CHMP5: variants seen among roughly 807,000 people sequenced by gnomAD.
CHMP5 encodes SNF7 domain containing 2.
Under a neutral mutation model 33.0 loss-of-function variants are expected in CHMP5, and 17 were observed. The ratio of observed to expected loss-of-function variants is 0.52; its 90% CI spans 0.35 to 0.77. The LOEUF is 0.77. CHMP5 is among the 30% of genes least tolerant of loss of function. The probability of loss-of-function intolerance (pLI) is 0.01; values close to 1 mark genes in which losing one functional copy is unlikely to be tolerated. For missense variants in CHMP5, 216 were observed against 261.5 expected (o/e 0.83, Z 1.20); for synonymous variants, 76 against 90.2 (o/e 0.84, Z 0.89).
chr9:33,269,273 G>T (rs1260171804), intron 3 of CHMP5, among the ~76,000 whole-genome samples: 1 of 152,188 alleles, frequency 6.6e-6, no homozygotes, highest in African/African-American at 2.4e-5. Flanking sequence ...GGGAGGCCAA[G>T]ACAGAAGCTC....
chr9:33,266,140 A>C, intron 2 of CHMP5, 26 bp downstream of exon 2: 1 of 1,517,130 alleles, frequency 6.6e-7, no homozygotes, highest in African/African-American at 1.4e-5. Context: ...ACTGCTGCAC[A>C]AGGTGCTGGC....
At position 33,281,058 on chromosome 9, in the gene CHMP5, CT is replaced by C. The variant is rs1422978646; in HGVS notation, c.*206del. 1.8e-5 allele frequency: 8 copies of C among 453,200 alleles called. No homozygotes were observed. Among genetic ancestry groups the C allele is most frequent in the Admixed American group, 4.1e-5 (1 of 24,398 alleles). The allele number at this position is 453,200 out of a possible 1,614,324, so 28.1% of individuals were successfully genotyped here. A position where few individuals can be genotyped will look rare whatever the true frequency, so the allele number is the denominator to read the frequency against. On this transcript the variant is annotated 3_prime_UTR_variant, in exon 8 of 8. Coordinates refer to ENST00000223500, the MANE Select transcript of CHMP5 (RefSeq NM_016410.6). ...CTTTCTTCGTACTAAAATTTGATTC[CT>C]TTTTTTCTTATGAAAAACGAACTCA...
At chr9:33,279,791 A>G (rs999266440) in intron 7 of CHMP5, among the ~76,000 whole-genome samples, 7 of 142,448 alleles carry the variant, frequency 4.9e-5, no homozygotes, top group African/African-American at 1.8e-4. Flanking sequence ...TGAAGCCGGG[A>G]GGCGGAGCTT....
intron 7 of CHMP5, among the ~76,000 whole-genome samples, chr9:33,278,650 T>C (rs917575006): frequency 3.3e-5 from 5 of 151,942 alleles, no homozygotes; most frequent in Non-Finnish European, 5.9e-5. Context: ...TTTTTTTTTT[T>C]CCTGTACACA....
At chr9:33,274,907 C>T (rs369118912) in intron 5 of CHMP5, among the ~76,000 whole-genome samples, 3 of 152,230 alleles carry the variant, frequency 2.0e-5, no homozygotes, top group Non-Finnish European at 2.9e-5. Flanking sequence ...TGAGCCACCG[C>T]GCCTGGCCAG....
chr9:33,269,173 A>G (rs543922818), intron 3 of CHMP5, among the ~76,000 whole-genome samples: 4 of 152,234 alleles, frequency 2.6e-5, no homozygotes, highest in Non-Finnish European at 5.9e-5. Flanking sequence ...ACCACACATT[A>G]GGTCAGATGG....
At chr9:33,280,252 C>T (rs1820905837) in intron 7 of CHMP5, among the ~76,000 whole-genome samples, 1 of 152,226 alleles carries the variant, frequency 6.6e-6, no homozygotes, top group South Asian at 2.1e-4. Context: ...GCTGGGATTA[C>T]AGGCCTGAGC....
intron 4 of CHMP5, 34 bp downstream of exon 4, chr9:33,270,750 G>C (rs831271): frequency 2.2e-5 from 32 of 1,487,218 alleles, no homozygotes; most frequent in Non-Finnish European, 2.7e-5. Flanking sequence ...GTTATTTCAT[G>C]TATTTATTCT....
At chr9:33,278,460 A>G (rs981886917) in intron 7 of CHMP5, among the ~76,000 whole-genome samples, 8 of 152,226 alleles carry the variant, frequency 5.3e-5, no homozygotes, top group African/African-American at 1.9e-4. Context: ...TGTGTAACAT[A>G]CATGATCACC....
chr9:33,278,200 G>T lies in CHMP5; in HGVS notation c.584G>T (p.Gly195Val). 6.2e-7 allele frequency: 1 copy of T among 1,610,936 alleles called. No individual in the cohort carries two copies. Among genetic ancestry groups the T allele is most frequent in the East Asian group, 2.2e-5 (1 of 44,856 alleles). Residue 195 changes from glycine to valine, a missense_variant, in exon 7 of 8, where the codon GGT becomes GTT. By Grantham distance (109) the Gly-to-Val change is moderately radical (BLOSUM62 -3). Transcript: ENST00000223500. ...EAASAPAIPE[G>V]VPTDTKNKDG... ...GCATCTGCACCTGCAATTCCAGAAG[G>T]TGTTCCCACTGATACAAAAAACAAG...
chr9:33,265,804 G>C (rs982666160), intron 1 of CHMP5, among the ~76,000 whole-genome samples: 11 of 152,210 alleles, frequency 7.2e-5, no homozygotes, highest in African/African-American at 2.7e-4. Context: ...TGGTATATCA[G>C]AATCGGGGCA....
At chr9:33,274,611 A>G (rs1373854978) in intron 5 of CHMP5, among the ~76,000 whole-genome samples, 1 of 152,006 alleles carries the variant, frequency 6.6e-6, no homozygotes, top group Non-Finnish European at 1.5e-5. Context: ...AGATATGGCT[A>G]TTTTATTTAT....
In CHMP5 at chr9:33,271,014, G is replaced by A. The variant is rs373464935; in HGVS notation, c.316-138G>A. The stretch of plus-strand genomic sequence containing the variant: ...GGAGAATCACTTGAACCCAGGAGGC[G>A]GAGGTTGCAGTGAGCCATTGCACTC... On this transcript the variant is annotated intron_variant, in intron 4 of 7. Coordinates refer to ENST00000223500, the MANE Select transcript of CHMP5 (RefSeq NM_016410.6). 65 of 680,028 alleles carry A rather than the reference G, an allele frequency of 9.6e-5. 1 individual carries two copies. The African/African-American group carries it at 1.0e-3, about 11-fold the overall frequency. 42.1% of individuals were successfully genotyped at this position (680,028 alleles called of 1,614,324 possible).
intron 6 of CHMP5, among the ~76,000 whole-genome samples, chr9:33,276,785 G>C (rs951003806): frequency 1.3e-5 from 2 of 152,212 alleles, no homozygotes; most frequent in African/African-American, 4.8e-5. Flanking sequence ...TCCAGGTACA[G>C]GCTGACCTGG....
chr9:33,266,236 G>C (rs1820721324), intron 2 of CHMP5, 122 bp downstream of exon 2: 2 of 550,170 alleles, frequency 3.6e-6, no homozygotes, highest in Non-Finnish European at 6.6e-6. Context: ...ACTTTGGGAG[G>C]CTGAGGCGGG....
intron 2 of CHMP5, among the ~76,000 whole-genome samples, chr9:33,266,414 G>A (rs1587795946): frequency 2.0e-5 from 3 of 152,330 alleles, no homozygotes; most frequent in East Asian, 3.9e-4. Context: ...GGAGGTTGCA[G>A]TGAGCAGAGA....
rs562430613 is a variant in CHMP5 at position 33,274,921 on chromosome 9, T to C, written c.388-1535T>C. On this transcript the variant is annotated intron_variant, in intron 5 of 7. Coordinates refer to ENST00000223500, the MANE Select transcript of CHMP5 (RefSeq NM_016410.6). ...ATGAGCCACCGCGCCTGGCCAGATA[T>C]GGCTATTAATAATTCCATTTTACAG... Among the ~76,000 whole-genome samples, 24 of 152,330 alleles carry C rather than the reference T, an allele frequency of 1.6e-4. No homozygotes were observed. In the East Asian group the frequency reaches 4.4e-3, roughly 28 times the overall value.
chr9:33,269,125 A>G (rs2118018854), intron 3 of CHMP5, among the ~76,000 whole-genome samples: 1 of 152,358 alleles, frequency 6.6e-6, no homozygotes, highest in East Asian at 1.9e-4. Context: ...GTAATATTAT[A>G]ATTTGATATA....
intron 5 of CHMP5, among the ~76,000 whole-genome samples, chr9:33,275,365 T>A (rs1741398179): frequency 1.3e-5 from 2 of 151,820 alleles, no homozygotes; most frequent in Non-Finnish European, 2.9e-5. Flanking sequence ...ACAGGGTTTA[T>A]GCCCTTGGTC....
Sources: allele counts gnomAD v4.1 joint callset (sites outside exome capture counted in the v4.1 genomes callset), GRCh38; gene constraint gnomAD v4.1.1; transcripts MANE v1.5; gene names NCBI Gene and HGNC (gene_info 2026-07-23, HGNC 2026-07-21).